The following NELL2 variants were observed in gnomAD, a reference collection of about 807,000 sequenced individuals.
NELL2 encodes the protein neural EGFL like 2, also known as protein kinase C-binding protein NELL2.
A neutral mutation model predicts 109.6 loss-of-function variants in NELL2; 41 were observed. The observed-to-expected ratio is 0.37, with a 90% CI of 0.29 to 0.49. The LOEUF is 0.49. Ranked by LOEUF, NELL2 falls within the 20% of genes least tolerant of loss-of-function variation. The probability of loss-of-function intolerance (pLI) is 0.98; values close to 1 mark genes in which losing one functional copy is unlikely to be tolerated. For missense variants in NELL2, 900 were observed against 1,008.3 expected (o/e 0.89, Z 1.45); for synonymous variants, 355 against 344.7 (o/e 1.03, Z -0.33).
At chr12:44,616,528 A>C (rs536339232) in intron 13 of NELL2, among the ~76,000 whole-genome samples, 1 of 152,338 alleles carries the variant, frequency 6.6e-6, no homozygotes, top group East Asian at 1.9e-4. Context: ...CTTAGACTTA[A>C]TGCTAAATAA....
At chr12:44,542,452 T>C (rs923065196) in intron 15 of NELL2, among the ~76,000 whole-genome samples, 3 of 152,128 alleles carry the variant, frequency 2.0e-5, no homozygotes, top group African/African-American at 7.2e-5. Flanking sequence ...CACTAGTACA[T>C]TGAAAACTAT....
At chr12:44,605,971 T>C (rs1175002454) in intron 15 of NELL2, among the ~76,000 whole-genome samples, 1 of 152,098 alleles carries the variant, frequency 6.6e-6, no homozygotes, top group East Asian at 1.9e-4. Context: ...TTCTAACAAG[T>C]TATCAATCTC....
Position 44,667,502 on chromosome 12 carries a change from A to T in NELL2, c.1319-1893T>A, listed in dbSNP as rs564515480. 2.0e-5 allele frequency among the ~76,000 whole-genome samples: 3 copies of T among 152,372 alleles called. No individual in the cohort carries two copies. The South Asian group carries it at 6.2e-4, about 32-fold the overall frequency. Reference sequence around the variant, plus strand: ...TACAAAAATGGATGGTGAGCCAGCCAGATTCGGCTCAGCTCACAGGTCATA... The same window carrying T: ...TACAAAAATGGATGGTGAGCCAGCCTGATTCGGCTCAGCTCACAGGTCATA... On this transcript the variant is annotated intron_variant, in intron 12 of 19. Transcript: ENST00000429094.
At chr12:44,811,337 T>TTA (rs372053673) in intron 3 of NELL2, among the ~76,000 whole-genome samples, 27 of 103,184 alleles carry the variant, frequency 2.6e-4, no homozygotes, top group African/African-American at 1.1e-3. Context: ...GAACTAAAAG[T>TTA]AAAAAAAAAA....
chr12:44,592,701 G>GA (rs772034563), intron 15 of NELL2, among the ~76,000 whole-genome samples: 39 of 152,068 alleles, frequency 2.6e-4, no homozygotes, highest in Non-Finnish European at 5.1e-4. Context: ...GGCCCCTCAG[G>GA]AAAAAAATAT....
intron 10 of NELL2, among the ~76,000 whole-genome samples, chr12:44,713,207 CACACACACAGAGAGAGACAGAGAG>C (rs1938306110): frequency 6.9e-6 from 1 of 145,326 alleles, no homozygotes; most frequent in Non-Finnish European, 1.5e-5. Flanking sequence ...CACACACACA[CACACACACAGAGAGAGACAGAGAG>C]AGAGAGAGAG....
chr12:44,513,728 A>C (rs142459920), intron 19 of NELL2, among the ~76,000 whole-genome samples: 21 of 152,022 alleles, frequency 1.4e-4, no homozygotes, highest in Admixed American at 7.2e-4. Context: ...CCAATCCATA[A>C]AACAAAGACA....
intron 13 of NELL2, among the ~76,000 whole-genome samples, chr12:44,663,436 C>A (rs939975286): frequency 6.6e-6 from 1 of 152,276 alleles, no homozygotes; most frequent in Middle Eastern, 3.4e-3. Context: ...GTTGAAAATG[C>A]TAGTGCCTCA....
rs541783295 is a variant in NELL2 at position 44,618,462 on chromosome 12, T to C, written c.1445-7492A>G. On this transcript the variant is annotated intron_variant, in intron 13 of 19. Transcript: ENST00000429094. Reference sequence around the variant, plus strand: ...CATTCAAATTTCCTCCTTCTCCTTATAGTAATTTCATAAGCTAATCCAACT... The same window carrying C: ...CATTCAAATTTCCTCCTTCTCCTTACAGTAATTTCATAAGCTAATCCAACT... 5.3e-5 allele frequency among the ~76,000 whole-genome samples: 8 copies of C among 152,296 alleles called. No homozygotes were observed. The South Asian group carries it at 6.2e-4, about 12-fold the overall frequency.
At chr12:44,917,644 T>G (rs1356635518), upstream of NELL2, among the ~76,000 whole-genome samples, 3 of 152,236 alleles carry the variant, frequency 2.0e-5, no homozygotes, top group Non-Finnish European at 4.4e-5. Context: ...TAAAGGATTT[T>G]GCAGAGGTAA....
chr12:44,701,306 C>T (rs1238632862), intron 12 of NELL2, among the ~76,000 whole-genome samples: 1 of 151,914 alleles, frequency 6.6e-6, no homozygotes, highest in African/African-American at 2.4e-5. Context: ...ATATGTTCAA[C>T]AAATTTTTCC....
chr12:44,746,765 G>T (rs1940385367), intron 9 of NELL2, among the ~76,000 whole-genome samples: 1 of 152,202 alleles, frequency 6.6e-6, no homozygotes, highest in African/African-American at 2.4e-5. Context: ...TCTCATACCA[G>T]TTAGAATGGC....
intron 12 of NELL2, among the ~76,000 whole-genome samples, chr12:44,702,582 T>C (rs913614924): frequency 6.6e-6 from 1 of 152,268 alleles, no homozygotes; most frequent in Middle Eastern, 3.4e-3. Context: ...AATACATTAG[T>C]TTCCTAAGAA....
At chr12:44,683,332 G>A (rs1256541798) in intron 12 of NELL2, among the ~76,000 whole-genome samples, 1 of 141,988 alleles carries the variant, frequency 7.0e-6, no homozygotes, top group Non-Finnish European at 1.5e-5. Context: ...GAGACAATGG[G>A]GTTTTCTAGA....
intron 15 of NELL2, among the ~76,000 whole-genome samples, chr12:44,561,749 G>C (rs111488285): frequency 6.0e-4 from 91 of 152,300 alleles, no homozygotes; most frequent in African/African-American, 2.1e-3. Context: ...ACTGCCAAAA[G>C]TAATTTATAG....
chr12:44,779,010 A>G (rs1400636743), intron 5 of NELL2, among the ~76,000 whole-genome samples: 1 of 152,142 alleles, frequency 6.6e-6, no homozygotes, highest in Non-Finnish European at 1.5e-5. Flanking sequence ...TGTTGTAGGG[A>G]CTGTCATAGC....
chr12:44,711,555 C>A (rs558301934), intron 10 of NELL2, among the ~76,000 whole-genome samples, 161 bp from the exon 11 acceptor site: 19 of 152,090 alleles, frequency 1.2e-4, no homozygotes, highest in Admixed American at 2.6e-4. Flanking sequence ...ACATTAAATC[C>A]CAATTGGAAA....
intron 9 of NELL2, among the ~76,000 whole-genome samples, chr12:44,773,098 C>T (rs1415962312): frequency 6.6e-6 from 1 of 152,132 alleles, no homozygotes; most frequent in Non-Finnish European, 1.5e-5. Flanking sequence ...CAACCTGTAT[C>T]TAATAACACT....
intron 15 of NELL2, among the ~76,000 whole-genome samples, chr12:44,580,239 C>T (rs908509296): frequency 6.6e-6 from 1 of 151,972 alleles, no homozygotes; most frequent in African/African-American, 2.4e-5. Flanking sequence ...GTTATGGGTT[C>T]ATCAGAATAG....
Sources: allele counts gnomAD v4.1 joint callset (sites outside exome capture counted in the v4.1 genomes callset), GRCh38; gene constraint gnomAD v4.1.1; transcripts MANE v1.5; gene names NCBI Gene and HGNC (gene_info 2026-07-23, HGNC 2026-07-21).